The following CNOT6L variants were observed in gnomAD, a reference collection of about 807,000 sequenced individuals.
The protein encoded by CNOT6L is CCR4-NOT transcription complex subunit 6-like.
A neutral mutation model predicts 64.0 loss-of-function variants in CNOT6L; 7 were observed. The ratio of observed to expected loss-of-function variants is 0.11; its 90% CI spans 0.06 to 0.21. The LOEUF (loss-of-function observed/expected upper bound fraction) is 0.21. Among genes scored for constraint, CNOT6L ranks in the 10% least tolerant of loss-of-function variants. CNOT6L has a pLI of 1.00. For synonymous variants in CNOT6L, 193 were observed against 243.4 expected (o/e 0.79, Z 1.93); for missense variants, 245 against 669.0 (o/e 0.37, Z 6.99).
chr4:77,767,304 C>T (rs1726959089), intron 4 of CNOT6L, among the ~76,000 whole-genome samples: 1 of 151,926 alleles, frequency 6.6e-6, no homozygotes. Context: ...AATGAAATTC[C>T]AGAGTTCAAA....
chr4:77,810,286 C>T (rs1390862059), intron 1 of CNOT6L, among the ~76,000 whole-genome samples: 1 of 152,010 alleles, frequency 6.6e-6, no homozygotes, highest in East Asian at 1.9e-4. Flanking sequence ...GTAATCACCA[C>T]ATCAAAGTGA....
At position 77,726,332 on chromosome 4, in the gene CNOT6L, G is replaced by A. The variant is rs1203756569; in HGVS notation, c.1290C>T (p.Asp430=). 2.0e-5 allele frequency: 32 copies of A among 1,613,464 alleles called. No individual in the cohort carries two copies. Among genetic ancestry groups the A allele is most frequent in the Non-Finnish European group, 2.6e-5 (31 of 1,179,646 alleles). The stretch of plus-strand genomic sequence containing the variant: ...TTAGTTCCTTGAAGTCTTTATGGTT[G>A]TCAGCTACTCCTCCATTGCTTAAGT... ...VEYLSNGGVA[D]NHKDFKELRY... is the part of the protein sequence containing the mutation. The change falls in exon 11 of 12, where the codon GAC becomes GAT. Residue 430 remains aspartate, a synonymous_variant. Transcript: ENST00000504123.
chr4:77,801,139 T>C (rs1468681229), intron 1 of CNOT6L, among the ~76,000 whole-genome samples: 1 of 152,124 alleles, frequency 6.6e-6, no homozygotes, highest in Non-Finnish European at 1.5e-5. Flanking sequence ...TCAAGCTTGG[T>C]TCCAGGAAAA....
In CNOT6L at chr4:77,755,223, GTTTTTTTTTTTTTTTTT is replaced by G. The variant is rs869054667; in HGVS notation, c.490+1622_490+1638del. Among the ~76,000 whole-genome samples, 9 of 70,434 alleles carry G rather than the reference GTTTTTTTTTTTTTTTTT, an allele frequency of 1.3e-4. No individual in the cohort carries two copies. In the East Asian group the frequency reaches 2.5e-3, roughly 19 times the overall value. 46.2% of individuals were successfully genotyped at this position (70,434 alleles called of 152,430 possible). ...ACTGGCTACATCTATAGAGACAAGA[GTTTTTTTTTTTTTTTTT>G]TTTTTTTTTTTTTTTTTTGAGACGG... On this transcript the variant is annotated intron_variant, in intron 5 of 11. Transcript: ENST00000504123.
chr4:77,813,943 A>G (rs1733259683), intron 1 of CNOT6L, among the ~76,000 whole-genome samples: 1 of 152,192 alleles, frequency 6.6e-6, no homozygotes, highest in South Asian at 2.1e-4. Context: ...GAACTTGTAC[A>G]TGAATGTTCA....
rs754195745 is a variant in CNOT6L at position 77,760,860 on chromosome 4, C to CTTTTTTTTTTTTTTT, written c.401-3924_401-3910dup. Among the ~76,000 whole-genome samples the CTTTTTTTTTTTTTTT allele has an allele frequency of 4.0e-4, 12 of 29,980 alleles. 3 individuals carry two copies. Among genetic ancestry groups the CTTTTTTTTTTTTTTT allele is most frequent in the Admixed American group, 6.5e-4 (1 of 1,538 alleles). The allele number at this position is 29,980 out of a possible 152,430, so 19.7% of individuals were successfully genotyped here. ...TACAGGTGCACACCACCATGCCTGG[C>CTTTTTTTTTTTTTTT]TTTTTTTTTTTTTTTTTTTTTTTTT... is the stretch of plus-strand genomic sequence containing the variant. On this transcript the variant is annotated intron_variant, in intron 4 of 11. Transcript: ENST00000504123.
chr4:77,812,243 G>C (rs1346365239), intron 1 of CNOT6L, among the ~76,000 whole-genome samples: 1 of 151,842 alleles, frequency 6.6e-6, no homozygotes, highest in Admixed American at 6.6e-5. Flanking sequence ...GGCAAGACCA[G>C]CCTGGCCAAC....
chr4:77,786,351 A>C (rs1208677631), intron 1 of CNOT6L, among the ~76,000 whole-genome samples: 3 of 150,518 alleles, frequency 2.0e-5, no homozygotes, highest in Admixed American at 2.0e-4. Flanking sequence ...AGTGGCTCAC[A>C]CCTGTAATCC....
intron 8 of CNOT6L, among the ~76,000 whole-genome samples, chr4:77,737,839 C>T (rs116737646): frequency 4.3e-4 from 65 of 152,086 alleles, no homozygotes; most frequent in Non-Finnish European, 8.8e-4. Context: ...AGTACAAAGT[C>T]GTAATGTTAT....
intron 4 of CNOT6L, among the ~76,000 whole-genome samples, chr4:77,766,544 GAA>G (rs71661131): frequency 6.9e-6 from 1 of 144,098 alleles, no homozygotes; most frequent in Admixed American, 6.9e-5. Context: ...AACTGGAAAA[GAA>G]AAAAAAAAGC....
intron 6 of CNOT6L, 78 bp from the exon 7 acceptor site, chr4:77,744,953 C>T: frequency 8.5e-7 from 1 of 1,178,160 alleles, no homozygotes; most frequent in Non-Finnish European, 1.2e-6. Context: ...CATGTGTACA[C>T]CTGCACAAGC....
intron 4 of CNOT6L, among the ~76,000 whole-genome samples, chr4:77,770,117 C>G (rs1727358122): frequency 6.6e-6 from 1 of 152,056 alleles, no homozygotes; most frequent in African/African-American, 2.4e-5. Flanking sequence ...TATCCTAATT[C>G]CTCAAATAAC....
intron 1 of CNOT6L, among the ~76,000 whole-genome samples, chr4:77,785,751 T>C (rs1197068121): frequency 6.6e-6 from 1 of 152,102 alleles, no homozygotes; most frequent in South Asian, 2.1e-4. Context: ...TATCTAGTGC[T>C]GACGAAGATT....
intron 11 of CNOT6L, among the ~76,000 whole-genome samples, chr4:77,724,819 T>A (rs1721660510): frequency 6.6e-6 from 1 of 151,368 alleles, no homozygotes; most frequent in African/African-American, 2.4e-5. Flanking sequence ...AAGGATAGGA[T>A]TTAAGCTGTG....
At chr4:77,736,600 T>C (rs1428133048) in intron 8 of CNOT6L, among the ~76,000 whole-genome samples, 2 of 152,210 alleles carry the variant, frequency 1.3e-5, no homozygotes, top group African/African-American at 4.8e-5. Context: ...TGCCATTCTT[T>C]CTATTATTAG....
At chr4:77,779,743 C>G (rs970396915) in intron 1 of CNOT6L, among the ~76,000 whole-genome samples, 1 of 152,102 alleles carries the variant, frequency 6.6e-6, no homozygotes, top group Admixed American at 6.6e-5. Flanking sequence ...GGGCAGATCA[C>G]GAGGTCAGGA....
At position 77,742,220 on chromosome 4, in the gene CNOT6L, G is replaced by C. The variant is rs757893572; in HGVS notation, c.793C>G (p.Pro265Ala). 1.2e-6 allele frequency: 2 copies of C among 1,613,182 alleles called. No homozygotes were observed. Among genetic ancestry groups the C allele is most frequent in the Non-Finnish European group, 1.7e-6 (2 of 1,179,608 alleles). ...GACATGATTTTGGCACGTGACTTTGGAGAAAAAAATCCATCATATCCACGC... is the reference window on the plus strand; with the variant it reads ...GACATGATTTTGGCACGTGACTTTGCAGAAAAAAATCCATCATATCCACGC... ...KERGYDGFFS[P>A]KSRAKIMSEQ... Residue 265 changes from proline to alanine, a missense_variant, in exon 8 of 12, where the codon CCA becomes GCA. Pro to Ala is a conservative substitution (Grantham distance 27). Coordinates refer to ENST00000504123, the MANE Select transcript of CNOT6L (RefSeq NM_144571.3).
intron 8 of CNOT6L, among the ~76,000 whole-genome samples, chr4:77,736,371 G>C (rs1270422701): frequency 6.6e-6 from 1 of 152,170 alleles, no homozygotes; most frequent in Non-Finnish European, 1.5e-5. Flanking sequence ...TCTAGCATTA[G>C]TGCTGATGGC....
chr4:77,799,702 C>A (rs1339043310), intron 1 of CNOT6L, among the ~76,000 whole-genome samples: 2 of 69,328 alleles, frequency 2.9e-5, no homozygotes, highest in South Asian at 4.2e-4. Flanking sequence ...GAAACTCCAT[C>A]TCAAAAAAAA....
Sources: gnomAD v4.1 joint callset for allele counts (sites outside exome capture counted in the v4.1 genomes callset) on GRCh38, gnomAD v4.1.1 for gene constraint, MANE v1.5 for transcripts, NCBI Gene and HGNC (gene_info 2026-07-23, HGNC 2026-07-21) for gene names.